SHANK2: variants seen among roughly 807,000 people sequenced by gnomAD.
SHANK2 encodes the protein SH3 and multiple ankyrin repeat domains protein 2.
A neutral mutation model predicts 133.7 loss-of-function variants in SHANK2; 43 were observed. The ratio of observed to expected loss-of-function variants is 0.32; its 90% CI spans 0.25 to 0.41. SHANK2 has a LOEUF of 0.41. SHANK2 is among the 10% of genes least tolerant of loss of function. The pLI, the probability that SHANK2 is intolerant of heterozygous loss-of-function variation, is 1.00. For missense variants in SHANK2, 1,994 were observed against 2,235.8 expected (o/e 0.89, Z 2.18); for synonymous variants, 1,017 against 952.8 (o/e 1.07, Z -1.24).
intron 14 of SHANK2, among the ~76,000 whole-genome samples, chr11:70,717,148 G>A (rs1783626): frequency 6.6e-6 from 1 of 152,206 alleles, no homozygotes; most frequent in African/African-American, 2.4e-5. Context: ...GGCTGCACTC[G>A]GGAGCAGGCA....
chr11:71,246,212 C>T (rs989557354), intron 1 of SHANK2, among the ~76,000 whole-genome samples: 1 of 152,044 alleles, frequency 6.6e-6, no homozygotes, highest in Non-Finnish European at 1.5e-5. Flanking sequence ...GGATGCCCTG[C>T]ACCCCATTCC....
intron 11 of SHANK2, chr11:70,826,381 C>T (rs1426110164): frequency 2.2e-6 from 1 of 462,564 alleles, no homozygotes; most frequent in East Asian, 7.0e-5. Flanking sequence ...TTAGGAGGAA[C>T]TGGAGTCCTC....
At chr11:70,562,522 C>A (rs2059918853) in intron 17 of SHANK2, among the ~76,000 whole-genome samples, 1 of 152,074 alleles carries the variant, frequency 6.6e-6, no homozygotes, top group African/African-American at 2.4e-5. Flanking sequence ...ATGAAATAAC[C>A]TTCTTTAATA....
chr11:70,486,881 C>T lies in SHANK2; in HGVS notation c.3412G>A (p.Ala1138Thr), dbSNP rs572293725. The change falls in exon 25 of 26, where the codon GCT (alanine) becomes ACT (threonine). Residue 1138 changes from alanine (A) to threonine (T), a missense_variant. Around this residue, in one of 5 missense-constraint regions of SHANK2, gnomAD observed 797 missense variants for 907.4 expected, o/e 0.88. Coordinates refer to ENST00000601538, the MANE Select transcript of SHANK2 (RefSeq NM_012309.5). The surrounding 1 kb of genome is among the most constrained non-coding windows in gnomAD (Gnocchi z 8.0). ...GGCATGGGGGATGACAGCTGCTCAG[C>T]GCTGTCCTCGTCAGCAAAATCCCCC... ...EEGDFADEDS[A>T]EQLSSPMPSA... 209 of 1,612,732 alleles carry T rather than the reference C, an allele frequency of 1.3e-4. 1 individual carries two copies. Among genetic ancestry groups the T allele is most frequent in the South Asian group, 7.5e-4 (68 of 91,086 alleles).
At chr11:70,681,286 G>A (rs1333488299) in intron 15 of SHANK2, among the ~76,000 whole-genome samples, 1 of 152,178 alleles carries the variant, frequency 6.6e-6, no homozygotes, top group African/African-American at 2.4e-5. Context: ...CTCCTGCACA[G>A]AGATGTTTCT....
chr11:70,822,535 G>C (rs1555056166), intron 11 of SHANK2, among the ~76,000 whole-genome samples: 5 of 151,934 alleles, frequency 3.3e-5, no homozygotes, highest in Non-Finnish European at 5.9e-5. Context: ...GAGGGACAGA[G>C]GTGGCGCTGG....
intron 9 of SHANK2, among the ~76,000 whole-genome samples, chr11:71,066,161 G>C (rs1951058895): frequency 1.4e-5 from 1 of 72,164 alleles, no homozygotes; most frequent in Non-Finnish European, 2.7e-5. Flanking sequence ...GGGGGGTGCA[G>C]AACTCTCCTG....
chr11:71,170,488 T>C (rs1409399219), intron 2 of SHANK2, among the ~76,000 whole-genome samples: 1 of 152,246 alleles, frequency 6.6e-6, no homozygotes, highest in Non-Finnish European at 1.5e-5. Flanking sequence ...TCTCATGAAA[T>C]AGTCAATTCC....
Position 70,486,143 on chromosome 11 carries a change from C to T in SHANK2, c.4150G>A (p.Ala1384Thr). The T allele has an allele frequency of 1.2e-6, 2 of 1,613,514 alleles. No individual in the cohort carries two copies. The highest frequency in any genetic ancestry group is 1.7e-6 in the Non-Finnish European group (2 of 1,179,598). The change falls in exon 25 of 26, where the codon GCG becomes ACG. Residue 1384 changes from alanine to threonine, a missense_variant. Physicochemically the swap from Ala to Thr is moderately conservative, Grantham distance 58. Coordinates refer to ENST00000601538, the MANE Select transcript of SHANK2 (RefSeq NM_012309.5). This position sits in a 1 kb window ranked among gnomAD's most constrained non-coding sequence, Gnocchi z 8.0. ...TIVAVGSMEE[A>T]VILPFRIPPP... The stretch of plus-strand genomic sequence containing the variant: ...GGGATGCGGAATGGCAAAATCACCG[C>T]CTCTTCCATGGAGCCCACCGCGACG...
chr11:71,191,599 A>G (rs4622293), intron 2 of SHANK2, among the ~76,000 whole-genome samples: 60,004 of 151,882 alleles, frequency 0.4, 15,544 homozygotes, highest in African/African-American at 0.72. Context: ...TCTGTCTGTC[A>G]CCCAGACTGG....
intron 14 of SHANK2, among the ~76,000 whole-genome samples, chr11:70,766,990 C>A (rs1391054590): frequency 6.6e-6 from 1 of 152,234 alleles, no homozygotes; most frequent in Non-Finnish European, 1.5e-5. Context: ...GTCCACTCTG[C>A]TAGCTCTGGT....
intron 2 of SHANK2, among the ~76,000 whole-genome samples, chr11:71,204,806 G>GGGCAGGA (rs1267065753): frequency 6.6e-6 from 1 of 152,186 alleles, no homozygotes; most frequent in Admixed American, 6.5e-5. Flanking sequence ...CCTGGGAAGG[G>GGGCAGGA]GGCAGGAGGC....
At chr11:70,612,988 C>T (rs782807960) in intron 17 of SHANK2, among the ~76,000 whole-genome samples, 2 of 152,176 alleles carry the variant, frequency 1.3e-5, no homozygotes, top group African/African-American at 2.4e-5. Flanking sequence ...TTCTTGTTCA[C>T]AGGCACTTGC....
At chr11:71,134,051 G>T (rs1376540130) in intron 3 of SHANK2, among the ~76,000 whole-genome samples, 1 of 151,534 alleles carries the variant, frequency 6.6e-6, no homozygotes, top group Non-Finnish European at 1.5e-5. Context: ...GTGGATAAAA[G>T]AGCTTTTACC....
In SHANK2 at chr11:70,807,721, T is replaced by C. The variant is rs1452118852; in HGVS notation, c.1494-550A>G. Among the ~76,000 whole-genome samples the C allele has an allele frequency of 6.6e-6, 1 of 151,890 alleles. No individual in the cohort carries two copies. Among genetic ancestry groups the C allele is most frequent in the Non-Finnish European group, 1.5e-5 (1 of 67,974 alleles). On this transcript the variant is annotated intron_variant, in intron 12 of 25. Transcript: ENST00000601538. This position sits in a 1 kb window ranked among gnomAD's most constrained non-coding sequence, Gnocchi z 4.8. ...GGTGAGCACCTGTAATCCGGGCTAC[T>C]GGAGAGGCTGAGGCAGGAGAATTGC...
At chr11:70,564,256 CTTTTCTTTTT>C (rs1194331289) in intron 17 of SHANK2, among the ~76,000 whole-genome samples, 3 of 151,112 alleles carry the variant, frequency 2.0e-5, no homozygotes, top group Admixed American at 6.6e-5. Flanking sequence ...TTTTTCTTTT[CTTTTCTTTTT>C]TTTTTTTTTT....
rs542542546 is a variant in SHANK2 at position 70,869,505 on chromosome 11, C to T, written c.1174+26996G>A. Among the ~76,000 whole-genome samples the T allele has an allele frequency of 9.2e-5, 14 of 152,332 alleles. No homozygotes were observed. The South Asian group carries it at 1.5e-3, about 16-fold the overall frequency. Reference sequence around the variant, plus strand: ...TGCTGTAGGAGGCTTTCATATTTCACGGCAAAGTTGTGCAGACCAGTTGGT... The same window carrying T: ...TGCTGTAGGAGGCTTTCATATTTCATGGCAAAGTTGTGCAGACCAGTTGGT... On this transcript the variant is annotated intron_variant, in intron 11 of 25. Transcript: ENST00000601538.
Position 70,882,296 on chromosome 11 carries a change from TG to T in SHANK2, c.1174+14204del, listed in dbSNP as rs2135584322. On this transcript the variant is annotated intron_variant, in intron 11 of 25. Transcript: ENST00000601538. This position sits in a 1 kb window ranked among gnomAD's most constrained non-coding sequence, Gnocchi z 4.2. ...TTTCCAGGCCTGGTGAGCTCCGGGG[TG>T]GGACGGGAGAGGGGCCACTGCAGTG... Among the ~76,000 whole-genome samples, 1 of 151,434 alleles carries T rather than the reference TG, an allele frequency of 6.6e-6. No homozygotes were observed. Among genetic ancestry groups the T allele is most frequent in the East Asian group, 2.0e-4 (1 of 5,120 alleles).
intron 12 of SHANK2, among the ~76,000 whole-genome samples, chr11:70,808,304 C>A (rs567927393): frequency 1.5e-3 from 232 of 152,120 alleles, no homozygotes; most frequent in Admixed American, 3.9e-3. Context: ...CAGGTTCAAG[C>A]GATTCTCCTG....
Sources: allele counts gnomAD v4.1 joint callset (sites outside exome capture counted in the v4.1 genomes callset), GRCh38; gene constraint gnomAD v4.1.1; regional missense constraint gnomAD v4.1.1; non-coding constraint Gnocchi (gnomAD v3.1); transcripts MANE v1.5; gene names NCBI Gene and HGNC (gene_info 2026-07-23, HGNC 2026-07-21).